Variants in CCDC7 observed in about 807,000 individuals in gnomAD.
CCDC7 encodes coiled-coil domain containing 7.
A neutral mutation model predicts 196.9 loss-of-function variants in CCDC7; 183 were observed. The ratio of observed to expected loss-of-function variants is 0.93; its 90% confidence interval spans 0.82 to 1.05. The LOEUF is 1.05. CCDC7 is among the 50% of genes least tolerant of loss of function. The pLI is 0.00. For synonymous variants in CCDC7, 525 were observed against 484.6 expected (o/e 1.08, Z -1.10); for missense variants, 1,540 against 1,482.2 (o/e 1.04, Z -0.64).
chr10:32,851,980 T>C, intron 40 of CCDC7, 48 bp downstream of exon 41: 1 of 1,518,604 alleles, frequency 6.6e-7, no homozygotes. Flanking sequence ...AAAATAAAGC[T>C]ATAACTAAAT....
chr10:32,522,143 T>C (rs182956035), intron 11 of CCDC7, among the ~76,000 whole-genome samples: 272 of 152,330 alleles, frequency 1.8e-3, no homozygotes, highest in Middle Eastern at 0.014. Flanking sequence ...GGCCTTTCTT[T>C]TGAAGAGCTT....
intron 28 of CCDC7, among the ~76,000 whole-genome samples, chr10:32,737,705 G>T (rs558779486): frequency 6.6e-6 from 1 of 152,198 alleles, no homozygotes; most frequent in African/African-American, 2.4e-5. Context: ...TTGCTCTGTT[G>T]TTAGGTGCAT....
intron 12 of CCDC7, 110 bp from the exon 14 acceptor site, chr10:32,544,137 T>A (rs1197377065): frequency 4.5e-6 from 4 of 897,920 alleles, no homozygotes; most frequent in South Asian, 4.5e-5. Context: ...ATGAATTTTT[T>A]TAAAAAAACT....
At position 32,472,584 on chromosome 10, in the gene CCDC7, A is replaced by T. The variant is rs904577850; in HGVS notation, c.739+42A>T. On this transcript the variant is annotated intron_variant, in intron 7 of 41. Coordinates refer to ENST00000639629, the Ensembl canonical transcript of CCDC7. ...TATGTTTATCCTTAAAAATTTTATT[A>T]AAAATTTTGTTATTATTTTTATCTT... The T allele has an allele frequency of 2.1e-6, 3 of 1,441,688 alleles. No individual in the cohort carries two copies. The African/African-American group carries it at 4.4e-5, about 21-fold the overall frequency. The allele number at this position is 1,441,688 out of a possible 1,614,324, so 89.3% of individuals were successfully genotyped here. A position where few individuals can be genotyped will look rare whatever the true frequency, so the allele number is the denominator to read the frequency against.
intron 20 of CCDC7, among the ~76,000 whole-genome samples, chr10:32,639,896 C>T (rs971278426): frequency 3.3e-5 from 5 of 152,114 alleles, no homozygotes; most frequent in South Asian, 4.1e-4. Context: ...GGATTACAAG[C>T]GTGAGCCACT....
intron 28 of CCDC7, among the ~76,000 whole-genome samples, chr10:32,769,068 T>C (rs1262447324): frequency 1.3e-5 from 2 of 152,148 alleles, no homozygotes; most frequent in Admixed American, 1.3e-4. Flanking sequence ...TGGAACAGTT[T>C]CAACAGGATT....
chr10:32,546,717 A>G (rs1401208241), intron 13 of CCDC7, among the ~76,000 whole-genome samples: 1 of 152,206 alleles, frequency 6.6e-6, no homozygotes, highest in Admixed American at 6.5e-5. Flanking sequence ...AATTTATATT[A>G]TCTCATAGTT....
intron 12 of CCDC7, 29 bp from the exon 14 acceptor site, chr10:32,544,218 G>T: frequency 1.3e-6 from 2 of 1,567,068 alleles, no homozygotes; most frequent in Non-Finnish European, 1.7e-6. Flanking sequence ...AAAATATCAT[G>T]ATGCATTTTA....
intron 24 of CCDC7, among the ~76,000 whole-genome samples, chr10:32,710,192 A>T (rs535613993): frequency 1.3e-5 from 2 of 152,298 alleles, no homozygotes; most frequent in South Asian, 4.1e-4. Flanking sequence ...AGATTACCTC[A>T]TTCATCATGC....
chr10:32,512,404 T>C (rs1233860744), intron 9 of CCDC7: 1 of 152,168 alleles, frequency 6.6e-6, no homozygotes, highest in African/African-American at 2.4e-5. Context: ...AGTGCATGCA[T>C]CACAAATAGT....
At chr10:32,630,172 GT>G (rs951720249) in intron 18 of CCDC7, among the ~76,000 whole-genome samples, 1 of 151,704 alleles carries the variant, frequency 6.6e-6, no homozygotes, top group African/African-American at 2.4e-5. Context: ...CTGCCCCTTT[GT>G]TTTTTTTGTC....
intron 28 of CCDC7, among the ~76,000 whole-genome samples, chr10:32,739,792 G>A (rs1284630101): frequency 6.6e-6 from 1 of 150,808 alleles, no homozygotes; most frequent in Non-Finnish European, 1.5e-5. Flanking sequence ...GTTAGGCTGT[G>A]TTTTCTGTTT....
At chr10:32,667,221 A>G (rs928486749) in intron 21 of CCDC7, among the ~76,000 whole-genome samples, 2 of 151,718 alleles carry the variant, frequency 1.3e-5, no homozygotes, top group Non-Finnish European at 1.5e-5. Context: ...GGTTTGTTTG[A>G]TTTTTTCTTG....
At chr10:32,875,923 C>T (rs1345715524) in intron 41 of CCDC7, among the ~76,000 whole-genome samples, 1 of 151,854 alleles carries the variant, frequency 6.6e-6, no homozygotes, top group Non-Finnish European at 1.5e-5. Context: ...ATACAAAATT[C>T]CAGTGAACTG....
chr10:32,867,871 A>G (rs989443935), intron 41 of CCDC7, among the ~76,000 whole-genome samples: 3 of 151,824 alleles, frequency 2.0e-5, no homozygotes, highest in African/African-American at 7.3e-5. Flanking sequence ...TACCTCCAGA[A>G]CGTTTTTTAT....
intron 20 of CCDC7, among the ~76,000 whole-genome samples, chr10:32,649,806 G>T (rs975091552): frequency 6.6e-6 from 1 of 152,182 alleles, no homozygotes; most frequent in African/African-American, 2.4e-5. Context: ...CTATTCTGCT[G>T]TTAATACTTC....
chr10:32,588,250 T>C (rs972290180), intron 18 of CCDC7, among the ~76,000 whole-genome samples: 1 of 152,216 alleles, frequency 6.6e-6, no homozygotes, highest in Non-Finnish European at 1.5e-5. Context: ...GTTATAGCAA[T>C]AGAAAATGGA....
chr10:32,816,534 C>T (rs1159054113), intron 31 of CCDC7, among the ~76,000 whole-genome samples: 1 of 152,198 alleles, frequency 6.6e-6, no homozygotes, highest in Non-Finnish European at 1.5e-5. Context: ...GGACAGACTG[C>T]CTCCTCAAGT....
intron 20 of CCDC7, among the ~76,000 whole-genome samples, chr10:32,639,621 T>A (rs1299072281): frequency 1.3e-5 from 2 of 149,982 alleles, no homozygotes; most frequent in African/African-American, 4.9e-5. Context: ...TGTTATAATT[T>A]CTGTTCTGTT....
Sources: allele counts gnomAD v4.1 joint callset (sites outside exome capture counted in the v4.1 genomes callset), GRCh38; gene constraint gnomAD v4.1.1; transcripts MANE v1.5; gene names NCBI Gene and HGNC (gene_info 2026-07-23, HGNC 2026-07-21).